Variants in CDC45 observed in about 807,000 individuals in gnomAD.
CDC45 encodes cell division control protein 45 homolog.
CDC45 carries 54 observed loss-of-function variants against 77.8 expected under a neutral mutation model. That is an observed-to-expected ratio of 0.69 (90% CI 0.56 to 0.87). CDC45 has a LOEUF of 0.87. Among genes scored for constraint, CDC45 ranks in the 40% least tolerant of loss-of-function variants. The probability of loss-of-function intolerance (pLI) is 0.00; values close to 1 mark genes in which losing one functional copy is unlikely to be tolerated. For synonymous variants in CDC45, 260 were observed against 272.1 expected, an observed-to-expected ratio of 0.96 and a Z score of 0.44; for missense variants, 649 against 721.6, an observed-to-expected ratio of 0.90 and a Z score of 1.15.
At chr22:19,508,452 A>C in intron 12 of CDC45, 78 bp from the exon 13 acceptor site, 1 of 1,470,344 alleles carries the variant, frequency 6.8e-7, no homozygotes, top group Admixed American at 1.7e-5. Context: ...GAGGGACATT[A>C]GCACATCTGT....
chr22:19,497,950 G>A (rs2090272807), intron 8 of CDC45, among the ~76,000 whole-genome samples: 1 of 151,982 alleles, frequency 6.6e-6, no homozygotes, highest in Non-Finnish European at 1.5e-5. Context: ...CCAGCACTTT[G>A]GAAGGTCAGG....
chr22:19,518,464 C>T (rs1933922914), intron 17 of CDC45, among the ~76,000 whole-genome samples: 1 of 152,314 alleles, frequency 6.6e-6, no homozygotes, highest in South Asian at 2.1e-4. Context: ...GAGGAATTGG[C>T]CAGAGTGCGG....
chr22:19,506,681 TC>T (rs1568930272), intron 10 of CDC45, among the ~76,000 whole-genome samples: 2 of 152,114 alleles, frequency 1.3e-5, no homozygotes, highest in Non-Finnish European at 2.9e-5. Context: ...ACGCCTGTAA[TC>T]CCAGCACTCT....
chr22:19,493,066 T>G (rs2146361972), intron 5 of CDC45, among the ~76,000 whole-genome samples: 1 of 152,144 alleles, frequency 6.6e-6, no homozygotes, highest in South Asian at 2.1e-4. Context: ...TGCTACAGCT[T>G]CGCAAGGATG....
rs572994554 is a variant in CDC45 at position 19,507,676 on chromosome 22, G to C, written c.957-90G>C. ...AATATCTTCTGAATGCTGGTGCGGG[G>C]ACATCCTCGCTTGCCCTTGGTTTGG... On this transcript the variant is annotated intron_variant, in intron 11 of 18. Coordinates refer to ENST00000263201, the MANE Select transcript of CDC45 (RefSeq NM_003504.5). 27 of 1,344,024 alleles carry C rather than the reference G, an allele frequency of 2.0e-5. No homozygotes were observed. In the East Asian group the frequency reaches 4.2e-4, roughly 21 times the overall value. The allele number at this position is 1,344,024 out of a possible 1,614,324, so 83.3% of individuals were successfully genotyped here. A position where few individuals can be genotyped will look rare whatever the true frequency, so the allele number is the denominator to read the frequency against.
chr22:19,518,816 C>T (rs1392780662), intron 17 of CDC45, 28 bp from the exon 18 acceptor site: 2 of 1,603,372 alleles, frequency 1.2e-6, no homozygotes, highest in East Asian at 4.5e-5. Context: ...CCTCCCTTCT[C>T]ACGGCTGTTT....
chr22:19,480,577 G>C (rs1188571727), intron 2 of CDC45, among the ~76,000 whole-genome samples: 1 of 152,134 alleles, frequency 6.6e-6, no homozygotes, highest in Non-Finnish European at 1.5e-5. Context: ...ACAACTGTGG[G>C]TATAGTCGTG....
chr22:19,489,416 C>A (rs1342983202), intron 5 of CDC45, among the ~76,000 whole-genome samples: 1 of 151,830 alleles, frequency 6.6e-6, no homozygotes, highest in Non-Finnish European at 1.5e-5. Context: ...TTGTCTGCTG[C>A]CTGGTAACCA....
chr22:19,493,143 G>A (rs920917627), intron 5 of CDC45, among the ~76,000 whole-genome samples: 1 of 152,206 alleles, frequency 6.6e-6, no homozygotes, highest in African/African-American at 2.4e-5. Context: ...GTTGGCTAGA[G>A]TAGATGGGCT....
chr22:19,492,109 A>G (rs2090162623), intron 5 of CDC45, among the ~76,000 whole-genome samples: 1 of 152,104 alleles, frequency 6.6e-6, no homozygotes, highest in Non-Finnish European at 1.5e-5. Context: ...CCCAGCCAGC[A>G]GGTTTATGTC....
At chr22:19,508,345 G>A (rs557203065) in intron 12 of CDC45, among the ~76,000 whole-genome samples, 185 bp from the exon 13 acceptor site, 11 of 152,288 alleles carry the variant, frequency 7.2e-5, no homozygotes, top group Admixed American at 5.2e-4. Context: ...GAAGGCACCC[G>A]GCCACTCTGG....
At chr22:19,508,248 G>A (rs946768523) in intron 12 of CDC45, among the ~76,000 whole-genome samples, 2 of 152,162 alleles carry the variant, frequency 1.3e-5, no homozygotes, top group Middle Eastern at 3.2e-3. Context: ...GGAGGCCCCT[G>A]GCTTCTCCCA....
At chr22:19,487,365 A>G (rs1465888827) in intron 5 of CDC45, among the ~76,000 whole-genome samples, 2 of 151,842 alleles carry the variant, frequency 1.3e-5, no homozygotes, top group African/African-American at 4.8e-5. Context: ...CTACAGAAAA[A>G]TAAAATAAAA....
upstream of CDC45, chr22:19,479,889 C>G: frequency 7.1e-7 from 1 of 1,406,440 alleles, no homozygotes; most frequent in South Asian, 1.1e-5. Context: ...ATCGGAGGAG[C>G]CGTGATTTGG....
Position 19,514,819 on chromosome 22 carries a change from A to G in CDC45, c.1288A>G (p.Ile430Val). The G allele has an allele frequency of 6.2e-7, 1 of 1,614,166 alleles. No homozygotes were observed. The change falls in exon 14 of 19, where the codon ATT (isoleucine) becomes GTT (valine). Residue 430 changes from isoleucine (I) to valine (V), a missense_variant. Transcript: ENST00000263201. Reference sequence around the variant, plus strand: ...GCAGCTGCGAGCCACCCAGCAGACCATTGCCAGCTGCCTTTGCACCAACCT... The same window carrying G: ...GCAGCTGCGAGCCACCCAGCAGACCGTTGCCAGCTGCCTTTGCACCAACCT... ...KKQLRATQQT[I>V]ASCLCTNLVI...
chr22:19,518,107 G>T (rs541738283), intron 17 of CDC45, among the ~76,000 whole-genome samples: 1 of 152,232 alleles, frequency 6.6e-6, no homozygotes, highest in Admixed American at 6.5e-5. Context: ...ACTCTTTTGT[G>T]CCTGTGATGT....
At chr22:19,518,609 C>CCG (rs971632622) in intron 17 of CDC45, among the ~76,000 whole-genome samples, 25 of 152,166 alleles carry the variant, frequency 1.6e-4, no homozygotes, top group Non-Finnish European at 4.4e-5. Context: ...ATTGTCTTCC[C>CCG]GGGGGGGAGT....
intron 5 of CDC45, among the ~76,000 whole-genome samples, chr22:19,485,145 T>C (rs933926871): frequency 5.9e-5 from 9 of 152,188 alleles, no homozygotes; most frequent in Admixed American, 5.9e-4. Flanking sequence ...TAGCATTCTT[T>C]TAACTATCGA....
At chr22:19,502,673 G>A (rs1229468475) in intron 9 of CDC45, among the ~76,000 whole-genome samples, 3 of 152,180 alleles carry the variant, frequency 2.0e-5, no homozygotes, top group African/African-American at 7.2e-5. Context: ...TTCAGTGAAG[G>A]CTGTGAACTA....
Sources: allele counts gnomAD v4.1 joint callset (sites outside exome capture counted in the v4.1 genomes callset), GRCh38; gene constraint gnomAD v4.1.1; transcripts MANE v1.5; gene names NCBI Gene and HGNC (gene_info 2026-07-23, HGNC 2026-07-21).